TTLL5: variants seen among roughly 807,000 people sequenced by gnomAD.
TTLL5 encodes tubulin polyglutamylase TTLL5.
In TTLL5, 132 loss-of-function variants were observed where a neutral mutation model predicts 168.4. The observed-to-expected ratio is 0.78, with a 90% confidence interval of 0.68 to 0.91. The LOEUF (loss-of-function observed/expected upper bound fraction) is 0.91. TTLL5 is among the 40% of genes least tolerant of loss of function. The pLI is 0.00. For missense variants in TTLL5, 1,545 were observed against 1,581.5 expected, an observed-to-expected ratio of 0.98 and a Z score of 0.39; for synonymous variants, 546 against 558.6, an observed-to-expected ratio of 0.98 and a Z score of 0.32.
intron 28 of TTLL5, among the ~76,000 whole-genome samples, chr14:75,829,720 G>A (rs1380406233): frequency 6.6e-6 from 1 of 152,174 alleles, no homozygotes; most frequent in Non-Finnish European, 1.5e-5. Flanking sequence ...AGTCCCAGGT[G>A]TATAGGCTAC....
At chr14:75,916,939 C>T (rs1318391113) in intron 31 of TTLL5, among the ~76,000 whole-genome samples, 1 of 152,152 alleles carries the variant, frequency 6.6e-6, no homozygotes, top group Non-Finnish European at 1.5e-5. Flanking sequence ...CACAAAAAGA[C>T]AAGTACTATA....
At chr14:75,951,949 A>G (rs75779029) in intron 31 of TTLL5, among the ~76,000 whole-genome samples, 2,170 of 152,342 alleles carry the variant, frequency 0.014, 60 homozygotes, top group African/African-American at 0.049. Flanking sequence ...GGCATCCTCA[A>G]AAATTTAAAA....
intron 23 of TTLL5, among the ~76,000 whole-genome samples, chr14:75,778,888 G>T (rs897452329): frequency 6.6e-6 from 1 of 152,150 alleles, no homozygotes; most frequent in African/African-American, 2.4e-5. Flanking sequence ...TTAGTCTCGT[G>T]CATTATATAG....
At chr14:75,662,855 GA>G (rs375465981) in intron 1 of TTLL5, among the ~76,000 whole-genome samples, 199 bp from the exon 2 acceptor site, 37 of 152,132 alleles carry the variant, frequency 2.4e-4, no homozygotes, top group African/African-American at 8.9e-4. Context: ...CTGTATGTTT[GA>G]AAAAAATCTT....
intron 30 of TTLL5, among the ~76,000 whole-genome samples, chr14:75,889,868 C>CGAGG (rs1201552703): frequency 4.1e-4 from 36 of 88,600 alleles, no homozygotes; most frequent in African/African-American, 1.5e-3. Context: ...AGGGAAGAAG[C>CGAGG]GAGGGAGGGA....
At chr14:75,772,155 T>G (rs1891372998) in intron 21 of TTLL5, among the ~76,000 whole-genome samples, 1 of 152,226 alleles carries the variant, frequency 6.6e-6, no homozygotes, top group Non-Finnish European at 1.5e-5. Context: ...TGAAGCCCTG[T>G]GCAAAGCCCT....
chr14:75,754,549 A>G (rs1890132798), intron 18 of TTLL5, among the ~76,000 whole-genome samples: 1 of 152,190 alleles, frequency 6.6e-6, no homozygotes, highest in Admixed American at 6.5e-5. Context: ...AGGGCAGAGT[A>G]GGCATTCTGG....
chr14:75,926,765 A>G, intron 31 of TTLL5, among the ~76,000 whole-genome samples: 1 of 152,240 alleles, frequency 6.6e-6, no homozygotes, highest in African/African-American at 2.4e-5. Context: ...TTCCTGAAAC[A>G]GTTAAACATA....
chr14:75,923,642 T>C (rs1385817268), intron 31 of TTLL5, among the ~76,000 whole-genome samples: 5 of 152,200 alleles, frequency 3.3e-5, no homozygotes, highest in Non-Finnish European at 5.9e-5. Flanking sequence ...ATGTGGTCAA[T>C]TTTAGAATAA....
At chr14:75,760,404 G>A (rs1490596231) in intron 18 of TTLL5, among the ~76,000 whole-genome samples, 31 of 151,940 alleles carry the variant, frequency 2.0e-4, no homozygotes, top group Non-Finnish European at 2.9e-5. Flanking sequence ...AGTTAAAATA[G>A]CCATTTTCCT....
intron 30 of TTLL5, among the ~76,000 whole-genome samples, chr14:75,891,204 A>G (rs754613365): frequency 2.6e-5 from 4 of 152,064 alleles, no homozygotes; most frequent in Non-Finnish European, 4.4e-5. Context: ...CTACATATCC[A>G]TGTCATCTCT....
chr14:75,953,509 A>G (rs750010619), intron 31 of TTLL5, among the ~76,000 whole-genome samples: 1 of 152,258 alleles, frequency 6.6e-6, no homozygotes, highest in Non-Finnish European at 1.5e-5. Flanking sequence ...CATAAAGATC[A>G]TAAACCTGTT....
intron 2 of TTLL5, 123 bp downstream of exon 2, chr14:75,663,346 CT>C: frequency 2.1e-6 from 2 of 962,364 alleles, no homozygotes; most frequent in Non-Finnish European, 3.1e-6. Flanking sequence ...AGTGTCATTC[CT>C]TGGGGATTAT....
chr14:75,924,600 G>T lies in TTLL5; in HGVS notation c.3823+22376G>T, dbSNP rs191753717. Among the ~76,000 whole-genome samples, 72 of 152,030 alleles carry T rather than the reference G, an allele frequency of 4.7e-4. 1 individual carries two copies. In the East Asian group the frequency reaches 0.012, roughly 26 times the overall value. On this transcript the variant is annotated intron_variant, in intron 31 of 31. Coordinates refer to ENST00000298832, the MANE Select transcript of TTLL5 (RefSeq NM_015072.5). The stretch of plus-strand genomic sequence containing the variant: ...TGTTTCAGAGAGCACAGGGTTGGGG[G>T]TAAGGTCACCGATCAACAGGATCCC...
At chr14:75,675,839 AG>A (rs1884104208) in intron 3 of TTLL5, among the ~76,000 whole-genome samples, 1 of 152,132 alleles carries the variant, frequency 6.6e-6, no homozygotes, top group African/African-American at 2.4e-5. Context: ...GGAGACAGGG[AG>A]GGGGAAGGGA....
intron 20 of TTLL5, among the ~76,000 whole-genome samples, chr14:75,770,673 T>G (rs966974135): frequency 6.6e-6 from 1 of 152,206 alleles, no homozygotes; most frequent in Non-Finnish European, 1.5e-5. Context: ...AACTATAGCT[T>G]GATCAGATTT....
chr14:75,894,554 C>G (rs983370414), intron 30 of TTLL5, among the ~76,000 whole-genome samples: 5 of 149,920 alleles, frequency 3.3e-5, no homozygotes, highest in Non-Finnish European at 7.4e-5. Context: ...GACTCTGTCT[C>G]AAAAAAAAGC....
intron 6 of TTLL5, among the ~76,000 whole-genome samples, chr14:75,694,096 A>G (rs966538132): frequency 6.6e-6 from 1 of 152,206 alleles, no homozygotes. Context: ...ACTTGAAAGA[A>G]CTGGGGAGCC....
At chr14:75,914,469 T>C (rs938940931) in intron 31 of TTLL5, among the ~76,000 whole-genome samples, 4 of 152,142 alleles carry the variant, frequency 2.6e-5, no homozygotes, top group Non-Finnish European at 4.4e-5. Flanking sequence ...AATCTTCTAA[T>C]GAAGATTTCA....
Sources: gnomAD v4.1 joint callset for allele counts (sites outside exome capture counted in the v4.1 genomes callset) on GRCh38, gnomAD v4.1.1 for gene constraint, MANE v1.5 for transcripts, NCBI Gene and HGNC (gene_info 2026-07-23, HGNC 2026-07-21) for gene names.